UTP18: variants seen among roughly 807,000 people sequenced by gnomAD.
UTP18 encodes UTP18 small subunit processome component, also known as U3 small nucleolar RNA-associated protein 18 homolog.
A neutral mutation model predicts 61.1 loss-of-function variants in UTP18; 36 were observed. The ratio of observed to expected loss-of-function variants is 0.59; its 90% CI spans 0.45 to 0.78. The LOEUF (loss-of-function observed/expected upper bound fraction) is 0.78. Among genes scored for constraint, UTP18 ranks in the 30% least tolerant of loss-of-function variants. The probability of loss-of-function intolerance (pLI) is 0.00; values close to 1 mark genes in which losing one functional copy is unlikely to be tolerated. For synonymous variants in UTP18, 282 were observed against 251.1 expected, an observed-to-expected ratio of 1.12 and a Z score of -1.16; for missense variants, 753 against 693.9, an observed-to-expected ratio of 1.09 and a Z score of -0.96.
chr17:51,267,570 GTTGT>G (rs1904343704), intron 3 of UTP18, among the ~76,000 whole-genome samples: 1 of 148,398 alleles, frequency 6.7e-6, no homozygotes, highest in Non-Finnish European at 1.5e-5. Flanking sequence ...TTTTCTTTGT[GTTGT>G]TTAACTTGTT....
intron 11 of UTP18, among the ~76,000 whole-genome samples, chr17:51,292,972 A>G (rs1033528716): frequency 2.6e-5 from 4 of 152,258 alleles, no homozygotes; most frequent in African/African-American, 9.6e-5. Context: ...AATTAAAAGT[A>G]CAAAATGGCA....
intron 11 of UTP18, among the ~76,000 whole-genome samples, chr17:51,291,391 G>A (rs1343643435): frequency 6.6e-6 from 1 of 152,090 alleles, no homozygotes; most frequent in Non-Finnish European, 1.5e-5. Flanking sequence ...TTAGGACATT[G>A]TAAACAATTC....
At chr17:51,262,481 G>A (rs1787865755) in intron 1 of UTP18, among the ~76,000 whole-genome samples, 2 of 151,890 alleles carry the variant, frequency 1.3e-5, no homozygotes, top group Non-Finnish European at 2.9e-5. Context: ...TTAGAGATAC[G>A]GTCTAACTTT....
chr17:51,288,154 C>T lies in UTP18; in HGVS notation c.1454C>T (p.Thr485Ile), dbSNP rs1905160981. The change falls in exon 11 of 14, where the codon ACA becomes ATA. Residue 485 changes from threonine to isoleucine, a missense_variant. Transcript: ENST00000225298. ...GVTSLTFNPTTEILAIASEKM... is the reference protein window; with the variant it reads ...GVTSLTFNPTIEILAIASEKM... ...ACTTCTCTGACCTTCAATCCTACTACAGAAATCTTGGCAATTGCTTCAGAA... is the reference window on the plus strand; with the variant it reads ...ACTTCTCTGACCTTCAATCCTACTATAGAAATCTTGGCAATTGCTTCAGAA... 6.2e-7 allele frequency: 1 copy of T among 1,603,332 alleles called. No homozygotes were observed. The highest frequency in any genetic ancestry group is 8.5e-7 in the Non-Finnish European group (1 of 1,177,468).
intron 9 of UTP18, among the ~76,000 whole-genome samples, chr17:51,284,667 T>C (rs1195060940): frequency 6.6e-6 from 1 of 152,220 alleles, no homozygotes; most frequent in East Asian, 1.9e-4. Context: ...AAAGTTCAAC[T>C]CAAACCAACA....
chr17:51,265,853 C>T (rs1365878584), intron 2 of UTP18, among the ~76,000 whole-genome samples: 1 of 152,152 alleles, frequency 6.6e-6, no homozygotes. Flanking sequence ...TGAGCCACCA[C>T]GCTGGGCCTA....
At chr17:51,269,907 G>A (rs115419894) in intron 4 of UTP18, among the ~76,000 whole-genome samples, 15,444 of 151,916 alleles carry the variant, frequency 0.1, 1,432 homozygotes, top group African/African-American at 0.25. Context: ...CAGGGCTGGA[G>A]TGCAGTGGGG....
intron 1 of UTP18, 111 bp downstream of exon 1, chr17:51,261,037 G>C (rs1187912643): frequency 1.9e-6 from 2 of 1,032,332 alleles, no homozygotes; most frequent in African/African-American, 1.7e-5. Context: ...GGAGCGCTCA[G>C]GTGGGAGGGA....
At chr17:51,287,204 T>G (rs1905142155) in intron 10 of UTP18, among the ~76,000 whole-genome samples, 1 of 152,214 alleles carries the variant, frequency 6.6e-6, no homozygotes, top group East Asian at 1.9e-4. Context: ...ACTAGTAGCT[T>G]AAACTCATTT....
chr17:51,268,000 G>GT (rs1904356519), intron 3 of UTP18, among the ~76,000 whole-genome samples: 4 of 142,688 alleles, frequency 2.8e-5, no homozygotes, highest in East Asian at 2.1e-4. Context: ...TTGTTTTTTT[G>GT]TTTTTTGTTT....
At chr17:51,275,752 A>G (rs1420525959) in intron 5 of UTP18, 114 bp from the exon 6 acceptor site, 2 of 1,018,780 alleles carry the variant, frequency 2.0e-6, no homozygotes, top group Non-Finnish European at 2.5e-6. Context: ...TTTGGTTACC[A>G]TTCCAGTGCA....
chr17:51,269,052 C>T lies in UTP18; in HGVS notation c.622+148C>T, dbSNP rs144228652. 1,853 of 720,912 alleles carry T rather than the reference C, an allele frequency of 2.6e-3. 30 individuals are homozygous for T. In the African/African-American group the frequency reaches 0.029, roughly 11 times the overall value. 44.7% of individuals were successfully genotyped at this position (720,912 alleles called of 1,614,324 possible). On this transcript the variant is annotated intron_variant, in intron 4 of 13. Coordinates refer to ENST00000225298, the MANE Select transcript of UTP18 (RefSeq NM_016001.3). ...CTGTCATCCCAGTGCTTTGGGAGCC[C>T]GAGGCGGGTGGATCGCTTGAGTCCA...
rs1905380305 is a variant in UTP18, at chr17:51,296,842, G to A, written c.1647-123G>A. On this transcript the variant is annotated intron_variant, in intron 12 of 13. Coordinates refer to ENST00000225298, the MANE Select transcript of UTP18 (RefSeq NM_016001.3). ...AGGAGTCTGAACCTAACTGCCTGGT[G>A]TGAATGATTGTGATTACATATTTTT... 7 of 880,906 alleles carry A rather than the reference G, an allele frequency of 7.9e-6. 1 individual carries two copies. Among genetic ancestry groups the A allele is most frequent in the Admixed American group, 2.5e-5 (1 of 39,780 alleles). The allele number at this position is 880,906 out of a possible 1,614,324, so 54.6% of individuals were successfully genotyped here.
chr17:51,268,205 T>G (rs1904367623), intron 3 of UTP18, among the ~76,000 whole-genome samples: 1 of 152,124 alleles, frequency 6.6e-6, no homozygotes, highest in Non-Finnish European at 1.5e-5. Flanking sequence ...TTTTTGTATT[T>G]TTAGTAGAGA....
At chr17:51,285,392 A>G (rs1296021315) in intron 10 of UTP18, 24 bp downstream of exon 10, 1 of 1,608,286 alleles carries the variant, frequency 6.2e-7, no homozygotes, top group Non-Finnish European at 8.5e-7. Flanking sequence ...GGTTCTTGTA[A>G]CCTTAATCAC....
chr17:51,269,285 ACT>A (rs1328239427), intron 4 of UTP18, among the ~76,000 whole-genome samples: 2 of 93,262 alleles, frequency 2.1e-5, no homozygotes, highest in Non-Finnish European at 3.9e-5. Flanking sequence ...ACAGAGTGAG[ACT>A]CTGTCTCAAA....
intron 5 of UTP18, among the ~76,000 whole-genome samples, chr17:51,273,739 T>TAATA (rs58946658): frequency 0.064 from 9,046 of 141,018 alleles, 398 homozygotes; most frequent in African/African-American, 0.11. Context: ...GTCTCTAAAA[T>TAATA]AATAAATAAA....
chr17:51,280,036 A>C lies in UTP18; in HGVS notation c.1044A>C (p.Glu348Asp). The C allele has an allele frequency of 6.2e-7, 1 of 1,613,938 alleles. No homozygotes were observed. The highest frequency in any genetic ancestry group is 1.1e-5 in the South Asian group (1 of 91,010). ...AAGAGAAGATAGTGAGGAGCTTTGA[A>C]GTCTCCCCAGATGGGTCCTTCTTGC... ...GLKEKIVRSF[E>D]VSPDGSFLLI... Residue 348 changes from glutamate (E) to aspartate (D), a missense_variant, in exon 8 of 14, where the codon GAA becomes GAC. Glu to Asp is a conservative substitution (Grantham distance 45). Coordinates refer to ENST00000225298, the MANE Select transcript of UTP18 (RefSeq NM_016001.3).
chr17:51,288,466 T>G, intron 11 of UTP18: 4 of 491,404 alleles, frequency 8.1e-6, no homozygotes, highest in South Asian at 4.9e-5. Context: ...CAGAGGTTTC[T>G]TTTAGTATTA....
Sources: allele counts gnomAD v4.1 joint callset (sites outside exome capture counted in the v4.1 genomes callset), GRCh38; gene constraint gnomAD v4.1.1; transcripts MANE v1.5; gene names NCBI Gene and HGNC (gene_info 2026-07-23, HGNC 2026-07-21).